PHAX: variants seen among roughly 807,000 people sequenced by gnomAD.
PHAX encodes the protein phosphorylated adaptor for RNA export, also known as phosphorylated adapter RNA export protein.
Under a neutral mutation model 41.6 loss-of-function variants are expected in PHAX, and 31 were observed. That is an observed-to-expected ratio of 0.75 (90% CI 0.56 to 1.01). The LOEUF (loss-of-function observed/expected upper bound fraction) is 1.01. Among genes scored for constraint, PHAX ranks in the 50% least tolerant of loss-of-function variants. The pLI, the probability that PHAX is intolerant of heterozygous loss-of-function variation, is 0.00. For synonymous variants in PHAX, 175 were observed against 164.9 expected, an observed-to-expected ratio of 1.06 and a Z score of -0.47; for missense variants, 453 against 472.9, an observed-to-expected ratio of 0.96 and a Z score of 0.39.
chr5:126,609,352 C>T (rs963365949), intron 3 of PHAX, among the ~76,000 whole-genome samples: 1 of 152,060 alleles, frequency 6.6e-6, no homozygotes, highest in South Asian at 2.1e-4. Context: ...CCACCCAGCT[C>T]GGCCTCCCAA....
intron 4 of PHAX, among the ~76,000 whole-genome samples, chr5:126,624,023 T>TC (rs1752310829): frequency 6.6e-6 from 1 of 150,840 alleles, no homozygotes; most frequent in East Asian, 1.9e-4. Context: ...TTTTTTTTTT[T>TC]TTTGAGACAC....
chr5:126,617,889 C>T (rs1368784737), intron 4 of PHAX, among the ~76,000 whole-genome samples: 1 of 152,080 alleles, frequency 6.6e-6, no homozygotes, highest in Non-Finnish European at 1.5e-5. Context: ...GCTGCAATTA[C>T]AGGCATGAAC....
At chr5:126,610,168 G>A (rs1752066042) in intron 3 of PHAX, among the ~76,000 whole-genome samples, 2 of 152,228 alleles carry the variant, frequency 1.3e-5, no homozygotes, top group Admixed American at 6.5e-5. Flanking sequence ...TCCTGGGGTG[G>A]TAGAGCAATA....
At chr5:126,601,929 A>T (rs1384215082) in intron 1 of PHAX, among the ~76,000 whole-genome samples, 1 of 152,184 alleles carries the variant, frequency 6.6e-6, no homozygotes, top group African/African-American at 2.4e-5. Flanking sequence ...GGCCTCCAAA[A>T]GTGCTGAGAT....
In PHAX at chr5:126,601,015, C is replaced by G; in HGVS notation, c.53C>G (p.Ser18Cys). The G allele has an allele frequency of 6.2e-7, 1 of 1,606,622 alleles. No individual in the cohort carries two copies. Among genetic ancestry groups the G allele is most frequent in the South Asian group, 1.1e-5 (1 of 90,762 alleles). ...GATGGGCAGCTTTCCGACTCGGATT[C>G]CGACATGACGGTCGCACCCAGCGAC... ...MEDGQLSDSD[S>C]DMTVAPSDRP... is the part of the protein sequence containing the mutation. Residue 18 changes from serine (S) to cysteine (C), a missense_variant, in exon 1 of 5, where the codon TCC (serine) becomes TGC (cysteine). Ser to Cys is a moderately radical substitution (Grantham distance 112). Transcript: ENST00000297540.
In PHAX at chr5:126,600,953, C is replaced by A. The variant is rs1263107572; in HGVS notation, c.-10C>A. 1.2e-6 allele frequency: 2 copies of A among 1,600,284 alleles called. No homozygotes were observed. Among genetic ancestry groups the A allele is most frequent in the East Asian group, 4.6e-5 (2 of 43,306 alleles). On this transcript the variant is annotated 5_prime_UTR_variant, in exon 1 of 5. Coordinates refer to ENST00000297540, the MANE Select transcript of PHAX (RefSeq NM_032177.4). ...ACCCGCCGCTGTGCAGCGCAGCGCA[C>A]CGCGGGAAGATGGCGTTGGAGGTCG...
intron 2 of PHAX, among the ~76,000 whole-genome samples, chr5:126,606,892 G>A (rs1056361040): frequency 3.9e-5 from 6 of 152,186 alleles, no homozygotes; most frequent in Admixed American, 3.9e-4. Context: ...TCTAACCTCA[G>A]ATGATCCACC....
In PHAX at chr5:126,626,219, T is replaced by C. The variant is rs944025489; in HGVS notation, c.*1375T>C. Reference sequence around the variant, plus strand: ...ATGTAGTGAGACCCTGTCTCTAATTTAAAAAAGAAAAAGAAAAAAACATTC... The same window carrying C: ...ATGTAGTGAGACCCTGTCTCTAATTCAAAAAAGAAAAAGAAAAAAACATTC... On this transcript the variant is annotated 3_prime_UTR_variant, in exon 5 of 5. Transcript: ENST00000297540. 1.3e-5 allele frequency: 2 copies of C among 151,828 alleles called. No homozygotes were observed. Among genetic ancestry groups the C allele is most frequent in the Non-Finnish European group, 2.9e-5 (2 of 67,980 alleles). 9.4% of individuals were successfully genotyped at this position (151,828 alleles called of 1,614,324 possible).
intron 3 of PHAX, among the ~76,000 whole-genome samples, chr5:126,609,290 G>A (rs573228740): frequency 1.3e-4 from 19 of 151,640 alleles, no homozygotes; most frequent in Middle Eastern, 3.4e-3. Context: ...TAGTAGAGAC[G>A]GGGTTTCACC....
intron 4 of PHAX, among the ~76,000 whole-genome samples, chr5:126,623,474 C>T (rs1581423988): frequency 6.6e-6 from 1 of 152,258 alleles, no homozygotes; most frequent in South Asian, 2.1e-4. Flanking sequence ...TAGCAAAATG[C>T]CTGGTACGTA....
chr5:126,623,138 A>G (rs1176156470), intron 4 of PHAX, among the ~76,000 whole-genome samples: 1 of 152,018 alleles, frequency 6.6e-6, no homozygotes, highest in Admixed American at 6.6e-5. Context: ...AAAAAAAAGA[A>G]GAAGAAAAAA....
chr5:126,603,284 AC>A (rs1399980660), intron 1 of PHAX, among the ~76,000 whole-genome samples: 1 of 152,212 alleles, frequency 6.6e-6, no homozygotes, highest in Admixed American at 6.5e-5. Flanking sequence ...TCTGACAGTA[AC>A]TGAAAAGTTT....
intron 1 of PHAX, among the ~76,000 whole-genome samples, chr5:126,602,770 C>T (rs1460721442): frequency 4.6e-5 from 7 of 151,916 alleles, no homozygotes; most frequent in East Asian, 1.9e-4. Flanking sequence ...TTTGGGAGGC[C>T]GAGGCGGGTG....
chr5:126,606,238 C>T (rs1581416524), intron 2 of PHAX, among the ~76,000 whole-genome samples: 1 of 152,134 alleles, frequency 6.6e-6, no homozygotes, highest in East Asian at 1.9e-4. Context: ...CTCTGTTGCC[C>T]AGGCTGGAGT....
intron 4 of PHAX, among the ~76,000 whole-genome samples, chr5:126,621,142 G>A (rs866895174): frequency 1.4e-4 from 22 of 152,022 alleles, no homozygotes; most frequent in Non-Finnish European, 2.2e-4. Context: ...TTCATGCCTC[G>A]GCCTCTCAAA....
Position 126,624,981 on chromosome 5 carries a change from T to C in PHAX, c.*137T>C. 1 of 775,870 alleles carries C rather than the reference T, an allele frequency of 1.3e-6. No individual in the cohort carries two copies. The highest frequency in any genetic ancestry group is 2.0e-6 in the Non-Finnish European group (1 of 495,046). The allele number at this position is 775,870 out of a possible 1,614,324, so 48.1% of individuals were successfully genotyped here. ...GACAATTGTTTTCTTGTTTAAAATA[T>C]GTGTGGAAAGGAATGCAATTGATAG... is the stretch of plus-strand genomic sequence containing the variant. On this transcript the variant is annotated 3_prime_UTR_variant, in exon 5 of 5. Transcript: ENST00000297540.
rs1052205452 is a variant in PHAX at position 126,625,616 on chromosome 5, A to C, written c.*772A>C. The C allele has an allele frequency of 1.3e-5, 2 of 151,930 alleles. No homozygotes were observed. The highest frequency in any genetic ancestry group is 4.8e-5 in the African/African-American group (2 of 41,360). The allele number at this position is 151,930 out of a possible 1,614,324, so 9.4% of individuals were successfully genotyped here. A position where few individuals can be genotyped will look rare whatever the true frequency, so the allele number is the denominator to read the frequency against. On this transcript the variant is annotated 3_prime_UTR_variant, in exon 5 of 5. Transcript: ENST00000297540. ...TGTCTCAAAAAAAAAAAAAAATACA[A>C]TTAAGAGGTGTATACTGATGATTCT... is the stretch of plus-strand genomic sequence containing the variant.
At chr5:126,615,665 G>A (rs180687711) in intron 3 of PHAX, among the ~76,000 whole-genome samples, 2 of 152,214 alleles carry the variant, frequency 1.3e-5, no homozygotes, top group African/African-American at 4.8e-5. Context: ...GTTTAGGCAT[G>A]AGTTATAGGC....
intron 2 of PHAX, 32 bp downstream of exon 2, chr5:126,604,215 C>G (rs181483484): frequency 4.7e-5 from 70 of 1,494,952 alleles, no homozygotes; most frequent in Non-Finnish European, 6.2e-5. Context: ...AAGTACTTGA[C>G]CAGATGGCTT....
Sources: gnomAD v4.1 joint callset for allele counts (sites outside exome capture counted in the v4.1 genomes callset) on GRCh38, gnomAD v4.1.1 for gene constraint, MANE v1.5 for transcripts, NCBI Gene and HGNC (gene_info 2026-07-23, HGNC 2026-07-21) for gene names.